The following RAPH1 variants were observed in gnomAD, a reference collection of about 807,000 sequenced individuals.
RAPH1 encodes the protein ras-associated and pleckstrin homology domains-containing protein 1.
Under a neutral mutation model 88.1 loss-of-function variants are expected in RAPH1, and 18 were observed. The ratio of observed to expected loss-of-function variants is 0.20; its 90% CI spans 0.14 to 0.30. The LOEUF is 0.30. Ranked by LOEUF, RAPH1 falls within the 10% of genes least tolerant of loss-of-function variation. RAPH1 has a pLI of 1.00. For missense variants in RAPH1, 1,448 were observed against 1,543.2 expected, an observed-to-expected ratio of 0.94 and a Z score of 1.03; for synonymous variants, 587 against 559.0, an observed-to-expected ratio of 1.05 and a Z score of -0.71.
intron 4 of RAPH1, among the ~76,000 whole-genome samples, chr2:203,474,627 G>A (rs147290706): frequency 4.1e-4 from 62 of 152,322 alleles, no homozygotes; most frequent in Non-Finnish European, 6.9e-4. Flanking sequence ...CTAGCTTGAA[G>A]TAAGAGTTGC....
intron 1 of RAPH1, among the ~76,000 whole-genome samples, chr2:203,521,312 C>A (rs1163698326): frequency 3.3e-5 from 5 of 152,030 alleles, no homozygotes; most frequent in African/African-American, 9.7e-5. Context: ...CCTTGGCCTC[C>A]CAAAGTGCTG....
At chr2:203,525,075 AAG>A (rs1331732161) in intron 1 of RAPH1, among the ~76,000 whole-genome samples, 4 of 152,252 alleles carry the variant, frequency 2.6e-5, no homozygotes, top group African/African-American at 7.2e-5. Context: ...TGTCCATAAA[AAG>A]ACTTGTGCAA....
intron 1 of RAPH1, among the ~76,000 whole-genome samples, chr2:203,520,355 T>C (rs1167198722): frequency 1.4e-5 from 2 of 147,408 alleles, no homozygotes; most frequent in African/African-American, 5.0e-5. Flanking sequence ...ACGCCAGGCA[T>C]GGTGGCTCAT....
At chr2:203,514,820 C>T (rs909561500) in intron 1 of RAPH1, among the ~76,000 whole-genome samples, 1 of 152,170 alleles carries the variant, frequency 6.6e-6, no homozygotes, top group Non-Finnish European at 1.5e-5. Context: ...TCCCAAAGTG[C>T]TAGGCTTACA....
intron 4 of RAPH1, among the ~76,000 whole-genome samples, chr2:203,475,173 C>T (rs1279215803): frequency 3.9e-5 from 6 of 151,964 alleles, no homozygotes; most frequent in South Asian, 4.2e-4. Flanking sequence ...CTTGGGAGGC[C>T]GAGGCGGGAG....
chr2:203,484,217 T>C (rs1024378418), intron 4 of RAPH1, among the ~76,000 whole-genome samples: 1 of 152,184 alleles, frequency 6.6e-6, no homozygotes, highest in Non-Finnish European at 1.5e-5. Context: ...CTAAGAAGAT[T>C]TGATGCTGGT....
intron 13 of RAPH1, chr2:203,442,141 T>C: frequency 6.0e-6 from 9 of 1,503,482 alleles, no homozygotes; most frequent in Non-Finnish European, 6.3e-6. Flanking sequence ...AAAAATATCA[T>C]ACAGAAAAAG....
intron 1 of RAPH1, among the ~76,000 whole-genome samples, chr2:203,503,875 A>G (rs1014216977): frequency 6.6e-6 from 1 of 152,208 alleles, no homozygotes; most frequent in Admixed American, 6.5e-5. Context: ...AGGGCCCATG[A>G]AAGTCCAAAA....
intron 1 of RAPH1, among the ~76,000 whole-genome samples, chr2:203,516,644 G>C (rs1293183927): frequency 5.3e-5 from 8 of 152,180 alleles, no homozygotes; most frequent in African/African-American, 1.9e-4. Flanking sequence ...AGCTACTTGG[G>C]AGGCTTGAAC....
chr2:203,518,949 T>C (rs891173891), intron 1 of RAPH1, among the ~76,000 whole-genome samples: 7 of 152,156 alleles, frequency 4.6e-5, no homozygotes, highest in African/African-American at 1.7e-4. Context: ...TTGTCAAAAC[T>C]CAAACAAGAA....
intron 1 of RAPH1, among the ~76,000 whole-genome samples, chr2:203,522,221 T>A (rs1255571788): frequency 6.6e-6 from 1 of 152,208 alleles, no homozygotes; most frequent in African/African-American, 2.4e-5. Context: ...CATTGTCACA[T>A]CAGAGTAGAT....
At chr2:203,526,831 C>T (rs1690143780) in intron 1 of RAPH1, among the ~76,000 whole-genome samples, 1 of 150,178 alleles carries the variant, frequency 6.7e-6, no homozygotes, top group African/African-American at 2.5e-5. Flanking sequence ...GTCACCCAGG[C>T]TGGAGTGCAA....
chr2:203,526,272 A>G (rs529008008), intron 1 of RAPH1, among the ~76,000 whole-genome samples: 2 of 152,320 alleles, frequency 1.3e-5, no homozygotes, highest in South Asian at 4.1e-4. Context: ...ATAGGTATAT[A>G]CATTTATGGG....
intron 4 of RAPH1, 145 bp from the exon 5 acceptor site, chr2:203,462,070 C>A: frequency 1.9e-6 from 1 of 518,016 alleles, no homozygotes; most frequent in Non-Finnish European, 3.2e-6. Context: ...TAACTGTTCA[C>A]AAAGAGCAGA....
At chr2:203,477,302 C>G in intron 4 of RAPH1, 1 of 639,468 alleles carries the variant, frequency 1.6e-6, no homozygotes. Flanking sequence ...CATGCAATTA[C>G]CTTTCATTCT....
chr2:203,498,308 CCA>C (rs976824590), intron 1 of RAPH1, among the ~76,000 whole-genome samples: 3 of 152,028 alleles, frequency 2.0e-5, no homozygotes, highest in Admixed American at 6.6e-5. Context: ...ACTATATTCT[CCA>C]TAGTAAAAAT....
At position 203,440,629 on chromosome 2, in the gene RAPH1, G is replaced by A; in HGVS notation, c.2561C>T (p.Pro854Leu). ...CACGACCGAGGGCACCGGTGACAGT[G>A]GAGAGGGAGGGGGTTTTGCACAGAA... ...QSFCAKPPPS[P>L]LSPVPSVVKQ... Residue 854 changes from proline to leucine, a missense_variant, in exon 14 of 14, where the codon CCA becomes CTA. Pro to Leu is a moderately conservative substitution (Grantham distance 98). Coordinates refer to ENST00000319170, the MANE Select transcript of RAPH1 (RefSeq NM_213589.3). 1 of 1,556,384 alleles carries A rather than the reference G, an allele frequency of 6.4e-7. No individual in the cohort carries two copies.
chr2:203,444,630 T>C (rs2098507770), intron 13 of RAPH1: 1 of 417,662 alleles, frequency 2.4e-6, no homozygotes, highest in East Asian at 3.5e-5. Context: ...GTTTTTTTTG[T>C]TTTTTTGAGA....
intron 4 of RAPH1, among the ~76,000 whole-genome samples, chr2:203,481,201 G>C (rs1281323184): frequency 6.6e-6 from 1 of 152,070 alleles, no homozygotes; most frequent in Non-Finnish European, 1.5e-5. Context: ...GAGAGCACTG[G>C]CCAGTCTACT....
Sources: gnomAD v4.1 joint callset for allele counts (sites outside exome capture counted in the v4.1 genomes callset) on GRCh38, gnomAD v4.1.1 for gene constraint, MANE v1.5 for transcripts, NCBI Gene and HGNC (gene_info 2026-07-23, HGNC 2026-07-21) for gene names.